KIAA1217: variants seen among roughly 807,000 people sequenced by gnomAD.
KIAA1217 encodes the protein KIAA1217.
KIAA1217 carries 88 observed loss-of-function variants against 163.9 expected under a neutral mutation model. That is an observed-to-expected ratio of 0.54 (90% CI 0.45 to 0.64). The LOEUF is 0.64. KIAA1217 is among the 30% of genes least tolerant of loss of function. KIAA1217 has a pLI of 0.00. For missense variants in KIAA1217, 2,372 were observed against 2,475.0 expected (o/e 0.96, Z 0.88); for synonymous variants, 903 against 923.1 (o/e 0.98, Z 0.39).
chr10:23,915,003 G>A (rs780775024), intron 1 of KIAA1217, among the ~76,000 whole-genome samples: 33 of 151,934 alleles, frequency 2.2e-4, no homozygotes, highest in Non-Finnish European at 4.7e-4. Flanking sequence ...TGCCTAGAGT[G>A]AGAAGAAAAG....
rs1337988254 is a variant in KIAA1217 at position 24,473,839 on chromosome 10, G to A, written c.1458G>A (p.Met486Ile). 2.5e-6 allele frequency: 4 copies of A among 1,613,986 alleles called. No homozygotes were observed. The highest frequency in any genetic ancestry group is 1.6e-4 in the Middle Eastern group (1 of 6,084). ...HRVSDLRMID[M>I]HAHYNAHGPP... The stretch of plus-strand genomic sequence containing the variant: ...TCAGTGACCTGAGGATGATAGACAT[G>A]CACGCTCACTATAATGCCCACGGCC... The change falls in exon 6 of 21, where the codon ATG becomes ATA. Residue 486 changes from methionine to isoleucine, a missense_variant. Physicochemically the swap from Met to Ile is conservative, Grantham distance 10. This residue lies in a region of KIAA1217 where 1,431 missense variants were observed against 1,470.3 expected (regional missense o/e 0.97). Transcript: ENST00000376454.
intron 2 of KIAA1217, among the ~76,000 whole-genome samples, chr10:24,277,512 A>T (rs1194251329): frequency 6.6e-6 from 1 of 152,230 alleles, no homozygotes; most frequent in African/African-American, 2.4e-5. Context: ...TGTAGTTCCC[A>T]TAATCCCCAC....
chr10:23,744,014 A>T (rs1433972578), intron 1 of KIAA1217, among the ~76,000 whole-genome samples: 2 of 152,194 alleles, frequency 1.3e-5, no homozygotes, highest in Non-Finnish European at 1.5e-5. Context: ...GGAAGGAGAG[A>T]TAGTTTTCTA....
chr10:23,869,641 A>G (rs1386500228), intron 1 of KIAA1217, among the ~76,000 whole-genome samples: 2 of 152,110 alleles, frequency 1.3e-5, no homozygotes, highest in Non-Finnish European at 2.9e-5. Flanking sequence ...GTTTAGCCCC[A>G]TGATGTCACT....
intron 1 of KIAA1217, among the ~76,000 whole-genome samples, chr10:23,875,659 T>C (rs1200926488): frequency 6.6e-6 from 1 of 152,054 alleles, no homozygotes; most frequent in Non-Finnish European, 1.5e-5. Flanking sequence ...GTATGTTTAT[T>C]GCAGCACTAT....
intron 1 of KIAA1217, among the ~76,000 whole-genome samples, chr10:23,696,233 G>A (rs1338020177): frequency 1.3e-5 from 2 of 152,210 alleles, no homozygotes; most frequent in Admixed American, 1.3e-4. Flanking sequence ...CCTCGTCCTA[G>A]GGTCAGAGCC....
chr10:24,357,641 TG>T (rs1227944520), intron 2 of KIAA1217, among the ~76,000 whole-genome samples: 1 of 152,126 alleles, frequency 6.6e-6, no homozygotes, highest in African/African-American at 2.4e-5. Context: ...CTTTTTTTCT[TG>T]GGGGGTTCTG....
chr10:24,500,138 C>T (rs897572106), intron 8 of KIAA1217, among the ~76,000 whole-genome samples: 3 of 151,706 alleles, frequency 2.0e-5, no homozygotes, highest in Non-Finnish European at 4.4e-5. Context: ...CCTGCAAGGC[C>T]AGCCTGGCCT....
chr10:24,544,020 GCT>G lies in KIAA1217; in HGVS notation c.4754_4755del (p.Leu1585HisfsTer9). 1 of 1,614,108 alleles carries G rather than the reference GCT, an allele frequency of 6.2e-7. No homozygotes were observed. Among genetic ancestry groups the G allele is most frequent in the Non-Finnish European group, 8.5e-7 (1 of 1,180,024 alleles). ...CAAATTCCCTAAGAAGCAACTCGCCGCTCTCACTCAAGCCATTCGCACCGGAA... is the reference window on the plus strand; with the variant it reads ...CAAATTCCCTAAGAAGCAACTCGCCGCTCACTCAAGCCATTCGCACCGGAA... The part of the protein sequence containing the change: ...KFKFPKKQLA[A>X]LTQAIRTGTK... On this transcript the variant is annotated frameshift_variant, in exon 19 of 21. Transcript: ENST00000376454. LOFTEE classifies it high-confidence loss of function.
chr10:23,743,396 G>A (rs1839225106), intron 1 of KIAA1217, among the ~76,000 whole-genome samples: 1 of 151,972 alleles, frequency 6.6e-6, no homozygotes, highest in Non-Finnish European at 1.5e-5. Context: ...TCAACCTGAG[G>A]GACAAAAAAA....
At chr10:24,415,549 C>T (rs924590574) in intron 3 of KIAA1217, among the ~76,000 whole-genome samples, 1 of 152,044 alleles carries the variant, frequency 6.6e-6, no homozygotes, top group Non-Finnish European at 1.5e-5. Flanking sequence ...ATAAGCCTTA[C>T]AAACACATTG....
intron 2 of KIAA1217, among the ~76,000 whole-genome samples, chr10:24,252,703 C>G (rs2074697008): frequency 6.6e-6 from 1 of 152,114 alleles, no homozygotes. Context: ...CTAGTTTGGA[C>G]AGGTATTGCC....
At chr10:24,005,379 G>A (rs1846947290) in intron 1 of KIAA1217, among the ~76,000 whole-genome samples, 3 of 152,122 alleles carry the variant, frequency 2.0e-5, no homozygotes, top group African/African-American at 7.2e-5. Context: ...TCACTACAGG[G>A]ACAGTCAGGC....
chr10:24,074,278 G>A (rs1311329366), intron 2 of KIAA1217, among the ~76,000 whole-genome samples: 1 of 152,126 alleles, frequency 6.6e-6, no homozygotes, highest in African/African-American at 2.4e-5. Context: ...GAACCCGGGA[G>A]GTGAATGTTG....
intron 2 of KIAA1217, among the ~76,000 whole-genome samples, chr10:24,345,963 A>G (rs2047701523): frequency 6.6e-6 from 1 of 152,022 alleles, no homozygotes; most frequent in South Asian, 2.1e-4. Flanking sequence ...ACAGCTCTCC[A>G]TCCCCGCCAT....
intron 2 of KIAA1217, among the ~76,000 whole-genome samples, chr10:24,052,288 C>T (rs915286698): frequency 6.6e-6 from 1 of 152,052 alleles, no homozygotes; most frequent in Non-Finnish European, 1.5e-5. Flanking sequence ...GGTGGCTTAT[C>T]TCTAATGGAT....
At chr10:24,501,132 GGATA>G (rs1261001878) in intron 8 of KIAA1217, among the ~76,000 whole-genome samples, 31 of 152,102 alleles carry the variant, frequency 2.0e-4, no homozygotes, top group Non-Finnish European at 2.9e-5. Flanking sequence ...AACAATCAGT[GGATA>G]GATAGATAGG....
chr10:24,153,439 T>C (rs1462358273), intron 2 of KIAA1217, among the ~76,000 whole-genome samples: 1 of 152,250 alleles, frequency 6.6e-6, no homozygotes, highest in Non-Finnish European at 1.5e-5. Flanking sequence ...CACTTGGAGC[T>C]TTACACATTT....
At chr10:23,730,651 T>A (rs1182782782) in intron 1 of KIAA1217, among the ~76,000 whole-genome samples, 1 of 130,612 alleles carries the variant, frequency 7.7e-6, no homozygotes, top group Non-Finnish European at 1.5e-5. Context: ...CATTTTGTAG[T>A]GTCTTTATTT....
Sources: allele counts gnomAD v4.1 joint callset (sites outside exome capture counted in the v4.1 genomes callset), GRCh38; gene constraint gnomAD v4.1.1; regional missense constraint gnomAD v4.1.1; transcripts MANE v1.5; gene names NCBI Gene and HGNC (gene_info 2026-07-23, HGNC 2026-07-21).